Variants in MORN1 observed in about 807,000 individuals in gnomAD.
MORN1 encodes MORN repeat containing 1, also known as MORN repeat-containing protein 1.
MORN1 carries 67 observed loss-of-function variants against 61.9 expected under a neutral mutation model. That is an observed-to-expected ratio of 1.08 (90% confidence interval 0.89 to 1.33). The LOEUF is 1.33. Ranked by LOEUF, MORN1 falls within the 40% of genes most tolerant of loss-of-function variation. The pLI, the probability that MORN1 is intolerant of heterozygous loss-of-function variation, is 0.00. For synonymous variants in MORN1, 301 were observed against 292.0 expected (o/e 1.03, Z -0.31); for missense variants, 752 against 691.2 (o/e 1.09, Z -0.99).
intron 2 of MORN1, among the ~76,000 whole-genome samples, chr1:2,389,054 G>A (rs1239298328): frequency 6.6e-6 from 1 of 150,896 alleles, no homozygotes; most frequent in Non-Finnish European, 1.5e-5. Context: ...GGAGGTTGCA[G>A]TGAGCCGAGA....
chr1:2,390,363 G>A (rs1003854194), intron 1 of MORN1: 26 of 942,208 alleles, frequency 2.8e-5, no homozygotes, highest in African/African-American at 7.1e-5. Flanking sequence ...AAGGCAGAGC[G>A]GCAGTGTCAG....
chr1:2,370,232 C>T (rs754113699), intron 8 of MORN1, among the ~76,000 whole-genome samples: 4 of 152,148 alleles, frequency 2.6e-5, no homozygotes, highest in Admixed American at 6.5e-5. Flanking sequence ...GGTGCCAGGG[C>T]AACTCAACGG....
chr1:2,353,463 C>T (rs942114332), intron 10 of MORN1, among the ~76,000 whole-genome samples: 101 of 152,304 alleles, frequency 6.6e-4, no homozygotes, highest in Non-Finnish European at 2.9e-4. Context: ...AGAGGGTCTC[C>T]GGGAGCTGCC....
At chr1:2,389,551 A>G (rs932019335) in intron 2 of MORN1, among the ~76,000 whole-genome samples, 1 of 152,262 alleles carries the variant, frequency 6.6e-6, no homozygotes. Context: ...TACAGGCGTG[A>G]GCCACTGCGC....
At chr1:2,387,616 C>G in intron 3 of MORN1, 87 bp from the exon 4 acceptor site, 1 of 895,564 alleles carries the variant, frequency 1.1e-6, no homozygotes, top group Admixed American at 1.8e-5. Flanking sequence ...TGGCCCATGA[C>G]ACGCAGGAAC....
At chr1:2,325,250 C>G (rs897563607) in intron 12 of MORN1, among the ~76,000 whole-genome samples, 2 of 124,208 alleles carry the variant, frequency 1.6e-5, no homozygotes, top group Non-Finnish European at 3.3e-5. Flanking sequence ...TCCTCTCTCT[C>G]TCTCCTCTCT....
chr1:2,377,745 T>A (rs1172955320), intron 6 of MORN1: 1 of 152,374 alleles, frequency 6.6e-6, no homozygotes, highest in African/African-American at 2.4e-5. Flanking sequence ...GGTCTGGTGC[T>A]CCTTGGGGTT....
Position 2,357,684 on chromosome 1 carries a change from C to A in MORN1, c.870-86G>T. 3 of 1,462,850 alleles carry A rather than the reference C, an allele frequency of 2.1e-6. No homozygotes were observed. The allele number at this position is 1,462,850 out of a possible 1,614,324, so 90.6% of individuals were successfully genotyped here. ...GACAGCGTGGCCCACGCCCTGGACC[C>A]TGGGACTTGCCTACACTGAGTCCAG... On this transcript the variant is annotated intron_variant, in intron 9 of 13. Coordinates refer to ENST00000378531, the MANE Select transcript of MORN1 (RefSeq NM_024848.3). The surrounding 1 kb of genome is among the most constrained non-coding windows in gnomAD (Gnocchi z 6.3).
chr1:2,327,573 G>A (rs948747916), intron 12 of MORN1, among the ~76,000 whole-genome samples: 3 of 152,232 alleles, frequency 2.0e-5, no homozygotes, highest in Non-Finnish European at 4.4e-5. Flanking sequence ...CACAGTGGGC[G>A]GTGTCCAGGC....
chr1:2,349,207 A>G (rs1641596410), intron 10 of MORN1, among the ~76,000 whole-genome samples: 1 of 152,236 alleles, frequency 6.6e-6, no homozygotes, highest in African/African-American at 2.4e-5. Flanking sequence ...AAGAACAGGA[A>G]AGAACCTCAG....
At chr1:2,322,788 G>C (rs1455124863) in intron 13 of MORN1, 2 of 985,446 alleles carry the variant, frequency 2.0e-6, no homozygotes, top group East Asian at 1.1e-4. Context: ...GAGCTCAGTG[G>C]GCAGTGGCTG....
chr1:2,360,329 C>A (rs1033969300), intron 8 of MORN1, among the ~76,000 whole-genome samples: 1 of 152,196 alleles, frequency 6.6e-6, no homozygotes, highest in Non-Finnish European at 1.5e-5. Flanking sequence ...TCGATTGACA[C>A]CCCTGGTTCC....
intron 4 of MORN1, 121 bp downstream of exon 4, chr1:2,387,298 C>T: frequency 3.9e-6 from 3 of 765,458 alleles, no homozygotes; most frequent in Middle Eastern, 7.5e-4. Context: ...CCCCCTACCT[C>T]CTTTCCAACC....
chr1:2,322,660 CG>C (rs1430777368), intron 13 of MORN1: 87 of 985,354 alleles, frequency 8.8e-5, no homozygotes, highest in Non-Finnish European at 1.0e-4. Flanking sequence ...GCCTCCCTGG[CG>C]GGCGGAGGAA....
chr1:2,353,932 C>G (rs990162877), intron 10 of MORN1, among the ~76,000 whole-genome samples: 8 of 152,222 alleles, frequency 5.3e-5, no homozygotes, highest in South Asian at 2.1e-4. Context: ...GGTTGGGAAG[C>G]AGCAAGCCCG....
intron 10 of MORN1, among the ~76,000 whole-genome samples, chr1:2,343,999 G>A (rs1641457060): frequency 6.6e-6 from 1 of 151,860 alleles, no homozygotes; most frequent in Admixed American, 6.6e-5. Flanking sequence ...GGCAGGGTGG[G>A]GTGGGGGTGG....
At chr1:2,369,605 T>G (rs534268687) in intron 8 of MORN1, among the ~76,000 whole-genome samples, 1 of 152,202 alleles carries the variant, frequency 6.6e-6, no homozygotes, top group South Asian at 2.1e-4. Flanking sequence ...GGAAATGAGG[T>G]CAATATGTAA....
Position 2,336,857 on chromosome 1 carries a change from A to G in MORN1, c.1037-7T>C. The G allele has an allele frequency of 6.4e-7, 1 of 1,553,174 alleles. No homozygotes were observed. The highest frequency in any genetic ancestry group is 8.7e-7 in the Non-Finnish European group (1 of 1,152,476). On this transcript the variant is annotated splice_polypyrimidine_tract_variant and splice_region_variant and intron_variant, in intron 10 of 13. Transcript: ENST00000378531. ...TGGGGCGCATGTCCCCTGGCTGAGGAGACAGAATGAAGAAAGACCCTATGA... is the reference window on the plus strand; with the variant it reads ...TGGGGCGCATGTCCCCTGGCTGAGGGGACAGAATGAAGAAAGACCCTATGA...
intron 10 of MORN1, among the ~76,000 whole-genome samples, chr1:2,344,697 GC>G (rs1386097981): frequency 6.6e-6 from 1 of 152,178 alleles, no homozygotes; most frequent in Non-Finnish European, 1.5e-5. Context: ...GGGCCCGGCC[GC>G]CCCAGTGGGA....
Sources: gnomAD v4.1 joint callset for allele counts (sites outside exome capture counted in the v4.1 genomes callset) on GRCh38, gnomAD v4.1.1 for gene constraint, Gnocchi (gnomAD v3.1) non-coding constraint, MANE v1.5 for transcripts, NCBI Gene and HGNC (gene_info 2026-07-23, HGNC 2026-07-21) for gene names.